Variants in EIF3M observed in about 807,000 individuals in gnomAD.
The protein encoded by EIF3M is eukaryotic translation initiation factor 3 subunit M.
A neutral mutation model predicts 49.7 loss-of-function variants in EIF3M; 25 were observed. That is an observed-to-expected ratio of 0.50 (90% confidence interval 0.37 to 0.70). EIF3M has a LOEUF of 0.70. Ranked by LOEUF, EIF3M falls within the 30% of genes least tolerant of loss-of-function variation. The probability of loss-of-function intolerance (pLI) is 0.00; values close to 1 mark genes in which losing one functional copy is unlikely to be tolerated. For missense variants in EIF3M, 350 were observed against 440.0 expected, an observed-to-expected ratio of 0.80 and a Z score of 1.83; for synonymous variants, 156 against 149.8, an observed-to-expected ratio of 1.04 and a Z score of -0.30.
chr11:32,592,729 G>T (rs1321083779), intron 5 of EIF3M: 2 of 500,742 alleles, frequency 4.0e-6, no homozygotes, highest in Non-Finnish European at 7.9e-6. Context: ...CCAATAAACA[G>T]TTTTTTTTAG....
intron 9 of EIF3M, chr11:32,601,501 T>TTAAA (rs1387611960): frequency 4.6e-6 from 1 of 216,456 alleles, no homozygotes. Context: ...TAGCATTCTT[T>TTAAA]AAAAAAAAAA....
At position 32,604,684 on chromosome 11, in the gene EIF3M, G is replaced by T. The variant is rs1368228118; in HGVS notation, c.*2285G>T. 6.6e-6 allele frequency: 1 copy of T among 152,214 alleles called. No individual in the cohort carries two copies. Among genetic ancestry groups the T allele is most frequent in the South Asian group, 2.1e-4 (1 of 4,824 alleles). The allele number at this position is 152,214 out of a possible 1,614,324, so 9.4% of individuals were successfully genotyped here. A position where few individuals can be genotyped will look rare whatever the true frequency, so the allele number is the denominator to read the frequency against. On this transcript the variant is annotated 3_prime_UTR_variant, in exon 11 of 11. Transcript: ENST00000531120. ...CAAATTATTTCTGGACATTTAAATT[G>T]TAAGAAAATGGTCACTGTTAACTAG...
intron 1 of EIF3M, 200 bp downstream of exon 1, chr11:32,584,129 G>A (rs1295359558): frequency 1.6e-6 from 1 of 643,132 alleles, no homozygotes; most frequent in Non-Finnish European, 2.6e-6. Context: ...TCCCAGCGCG[G>A]GGCCCGACGC....
At chr11:32,589,683 T>G (rs749512445) in intron 5 of EIF3M, 42 bp downstream of exon 5, 1 of 1,562,642 alleles carries the variant, frequency 6.4e-7, no homozygotes, top group East Asian at 2.2e-5. Flanking sequence ...TAACAGACAG[T>G]ATAAGTAGGT....
intron 8 of EIF3M, among the ~76,000 whole-genome samples, chr11:32,597,861 C>T (rs1486457963): frequency 3.3e-5 from 5 of 152,054 alleles, no homozygotes; most frequent in East Asian, 1.9e-4. Context: ...TGGTTCTTGA[C>T]GATACAGATG....
chr11:32,583,938 C>A lies in EIF3M; in HGVS notation c.42+9C>A. On this transcript the variant is annotated intron_variant, in intron 1 of 10. Transcript: ENST00000531120. ...TCAGTGAAGAAGATCAGGTGTGCTT[C>A]GGTCTACGGGTGCCGCCACGGTGGG... is the stretch of plus-strand genomic sequence containing the variant. The A allele has an allele frequency of 6.2e-7, 1 of 1,612,148 alleles. No individual in the cohort carries two copies. The highest frequency in any genetic ancestry group is 8.5e-7 in the Non-Finnish European group (1 of 1,179,828).
At chr11:32,600,897 A>C (rs1855252059) in intron 9 of EIF3M, 65 bp downstream of exon 9, 3 of 1,510,696 alleles carry the variant, frequency 2.0e-6, no homozygotes, top group South Asian at 2.8e-5. Context: ...GATCATAGTA[A>C]GATTTTTATC....
In EIF3M at chr11:32,589,644, A is replaced by G. The variant is rs1855063118; in HGVS notation, c.533+3A>G. 1 of 1,612,798 alleles carries G rather than the reference A, an allele frequency of 6.2e-7. No individual in the cohort carries two copies. The highest frequency in any genetic ancestry group is 8.5e-7 in the Non-Finnish European group (1 of 1,179,156). On this transcript the variant is annotated splice_donor_region_variant and intron_variant, in intron 5 of 10. Transcript: ENST00000531120. ...GCACTTGTGGATTGTAAGAAGAGGT[A>G]TTCAAAAGTAATGAACTAACATATC...
intron 2 of EIF3M, among the ~76,000 whole-genome samples, chr11:32,588,178 C>G (rs573603752): frequency 7.9e-5 from 12 of 152,180 alleles, no homozygotes; most frequent in Admixed American, 3.3e-4. Flanking sequence ...ATCACATGGT[C>G]AAGAGTTCAA....
At chr11:32,595,940 A>C in intron 7 of EIF3M, 26 bp from the exon 8 acceptor site, 4 of 1,472,444 alleles carry the variant, frequency 2.7e-6, no homozygotes, top group Middle Eastern at 1.8e-4. Context: ...TATTGATGGT[A>C]TCTTTTTTGT....
intron 5 of EIF3M, chr11:32,592,374 C>T: frequency 1.8e-6 from 1 of 553,572 alleles, no homozygotes; most frequent in Non-Finnish European, 3.5e-6. Flanking sequence ...CCTGTAACTT[C>T]TGTGGTTTCA....
intron 5 of EIF3M, chr11:32,592,748 G>C (rs1590520245): frequency 6.2e-6 from 3 of 487,364 alleles, no homozygotes; most frequent in East Asian, 5.6e-5. Flanking sequence ...AGCTGCTCTG[G>C]CTCCTTTGGA....
At chr11:32,592,188 C>CCTCCACAACCCATAAAGTTGCTAGATCCA in intron 5 of EIF3M, 1 of 355,144 alleles carries the variant, frequency 2.8e-6, no homozygotes, top group East Asian at 7.2e-5. Flanking sequence ...TCCAAAGTTT[C>CCTCCACAACCCATAAAGTTGCTAGATCCA]CTCCACAACC....
chr11:32,601,175 GAATT>G (rs1239061002), intron 9 of EIF3M: 1 of 169,292 alleles, frequency 5.9e-6, no homozygotes, highest in East Asian at 1.6e-4. Context: ...AGAATTAAAT[GAATT>G]AATACAGGTA....
chr11:32,590,342 C>A (rs534284149), intron 5 of EIF3M, among the ~76,000 whole-genome samples: 66 of 152,310 alleles, frequency 4.3e-4, no homozygotes, highest in Middle Eastern at 3.4e-3. Context: ...ATATAGCTTG[C>A]AAAGCTTAAA....
chr11:32,584,550 G>A (rs932117688), intron 1 of EIF3M, among the ~76,000 whole-genome samples: 1 of 129,588 alleles, frequency 7.7e-6, no homozygotes, highest in African/African-American at 2.9e-5. Flanking sequence ...GGAGTTTGCA[G>A]TGAGCCAAGA....
Position 32,605,297 on chromosome 11 carries a change from G to GTA in EIF3M, c.*2898_*2899insTA, listed in dbSNP as rs1855334961. On this transcript the variant is annotated 3_prime_UTR_variant, in exon 11 of 11. Transcript: ENST00000531120. ...ATAGTCAGCCACTGGTCCCCTCAGAGAGTTTTACCTCTGATCTTTGGGGTG... is the reference window on the plus strand; with the variant it reads ...ATAGTCAGCCACTGGTCCCCTCAGAGTAAGTTTTACCTCTGATCTTTGGGGTG... 1 of 151,514 alleles carries GTA rather than the reference G, an allele frequency of 6.6e-6. No homozygotes were observed. The highest frequency in any genetic ancestry group is 2.4e-5 in the African/African-American group (1 of 41,176). The allele number at this position is 151,514 out of a possible 1,614,324, so 9.4% of individuals were successfully genotyped here.
In EIF3M at chr11:32,596,040, T is replaced by C. The variant is rs745622122; in HGVS notation, c.792T>C (p.Asp264=). 29 of 1,552,970 alleles carry C rather than the reference T, an allele frequency of 1.9e-5. No homozygotes were observed. The highest frequency in any genetic ancestry group is 2.5e-5 in the Non-Finnish European group (29 of 1,159,568). ...ATCAGAATAATAAAGACTTCATTGATTCACTTGGTAAGTTTTGGGGTTTAT... is the reference window on the plus strand; with the variant it reads ...ATCAGAATAATAAAGACTTCATTGACTCACTTGGTAAGTTTTGGGGTTTAT... The part of the protein sequence containing the change: ...KFYQNNKDFI[D]SLGLLHEQNM... Residue 264 remains aspartate, a synonymous_variant, in exon 8 of 11, where the codon GAT becomes GAC. Coordinates refer to ENST00000531120, the MANE Select transcript of EIF3M (RefSeq NM_006360.6).
At chr11:32,601,996 A>G in intron 10 of EIF3M, 174 bp downstream of exon 10, 1 of 848,878 alleles carries the variant, frequency 1.2e-6, no homozygotes, top group South Asian at 1.7e-5. Flanking sequence ...TATTTAATGA[A>G]AGAGTCCTAT....
Sources: allele counts gnomAD v4.1 joint callset (sites outside exome capture counted in the v4.1 genomes callset), GRCh38; gene constraint gnomAD v4.1.1; transcripts MANE v1.5; gene names NCBI Gene and HGNC (gene_info 2026-07-23, HGNC 2026-07-21).